Variants in ERBB4 observed in about 807,000 individuals in gnomAD.
The protein encoded by ERBB4 is receptor tyrosine-protein kinase erbB-4.
A neutral mutation model predicts 158.0 loss-of-function variants in ERBB4; 42 were observed. The ratio of observed to expected loss-of-function variants is 0.27; its 90% CI spans 0.21 to 0.34. The LOEUF (loss-of-function observed/expected upper bound fraction) is 0.34. ERBB4 is among the 10% of genes least tolerant of loss of function. The pLI is 1.00. For synonymous variants in ERBB4, 583 were observed against 558.7 expected (o/e 1.04, Z -0.61); for missense variants, 1,333 against 1,624.1 (o/e 0.82, Z 3.08).
intron 1 of ERBB4, among the ~76,000 whole-genome samples, chr2:212,258,924 C>T (rs997549982): frequency 6.6e-6 from 1 of 151,956 alleles, no homozygotes; most frequent in Non-Finnish European, 1.5e-5. Flanking sequence ...TAAGGAAAGT[C>T]ATCAAGAAAA....
chr2:212,269,530 C>A (rs2085269201), intron 1 of ERBB4, among the ~76,000 whole-genome samples: 1 of 151,564 alleles, frequency 6.6e-6, no homozygotes, highest in African/African-American at 2.4e-5. Flanking sequence ...AGACTTTTGC[C>A]CTTAGATATT....
intron 1 of ERBB4, among the ~76,000 whole-genome samples, chr2:212,224,169 A>G (rs1475227157): frequency 1.3e-5 from 2 of 151,908 alleles, no homozygotes; most frequent in African/African-American, 2.4e-5. Flanking sequence ...GTAAATTTAC[A>G]CCAAATAAAA....
intron 25 of ERBB4, among the ~76,000 whole-genome samples, chr2:211,417,746 G>A: frequency 6.6e-6 from 1 of 152,116 alleles, no homozygotes; most frequent in East Asian, 1.9e-4. Context: ...TGCTGGCCAA[G>A]CAGTAATTGC....
intron 1 of ERBB4, among the ~76,000 whole-genome samples, chr2:212,314,300 T>C (rs539186431): frequency 6.6e-6 from 1 of 151,150 alleles, no homozygotes; most frequent in Non-Finnish European, 1.5e-5. Flanking sequence ...ATTTTTACGT[T>C]AATTTTTTTC....
intron 13 of ERBB4, among the ~76,000 whole-genome samples, chr2:211,678,606 C>A (rs1318622598): frequency 6.6e-6 from 1 of 152,202 alleles, no homozygotes; most frequent in South Asian, 2.1e-4. Context: ...TGTGTTGTCT[C>A]CTTTATGCAA....
chr2:212,362,977 T>A (rs905385250), intron 1 of ERBB4, among the ~76,000 whole-genome samples: 1 of 151,224 alleles, frequency 6.6e-6, no homozygotes, highest in Non-Finnish European at 1.5e-5. Flanking sequence ...AAAACATAAA[T>A]TTGAAACACG....
intron 3 of ERBB4, among the ~76,000 whole-genome samples, chr2:211,937,213 A>G (rs2080349445): frequency 2.0e-5 from 3 of 151,838 alleles, no homozygotes; most frequent in Admixed American, 2.0e-4. Flanking sequence ...TTTGTTTCCT[A>G]CAATTGATGA....
intron 3 of ERBB4, among the ~76,000 whole-genome samples, chr2:211,931,845 T>C (rs1030640237): frequency 2.0e-5 from 3 of 152,016 alleles, no homozygotes; most frequent in Non-Finnish European, 4.4e-5. Context: ...TTCTTAAATA[T>C]TGTTACTCTA....
At chr2:211,572,679 T>C (rs1330965914) in intron 19 of ERBB4, among the ~76,000 whole-genome samples, 7 of 152,234 alleles carry the variant, frequency 4.6e-5, no homozygotes, top group Admixed American at 6.5e-5. Flanking sequence ...CATCTTGAAG[T>C]ACTTCAACAA....
intron 2 of ERBB4, among the ~76,000 whole-genome samples, chr2:212,020,383 T>C (rs2125326475): frequency 6.6e-6 from 1 of 152,254 alleles, no homozygotes; most frequent in East Asian, 1.9e-4. Context: ...CCTTCTCACT[T>C]GTTCTACTGG....
chr2:212,200,297 C>T (rs2082553676), intron 1 of ERBB4, among the ~76,000 whole-genome samples: 2 of 152,054 alleles, frequency 1.3e-5, no homozygotes, highest in African/African-American at 4.8e-5. Context: ...GGAAAAGTTA[C>T]ATATGTAAAC....
At chr2:212,004,289 G>T (rs1179772566) in intron 2 of ERBB4, among the ~76,000 whole-genome samples, 1 of 152,062 alleles carries the variant, frequency 6.6e-6, no homozygotes, top group Non-Finnish European at 1.5e-5. Flanking sequence ...CCCTCATCCT[G>T]CAAACTTGGA....
At chr2:211,896,052 C>T (rs983539483) in intron 3 of ERBB4, among the ~76,000 whole-genome samples, 8 of 152,212 alleles carry the variant, frequency 5.3e-5, no homozygotes, top group South Asian at 2.1e-4. Flanking sequence ...TCACTGGATC[C>T]TTCGTCTTCT....
intron 20 of ERBB4, among the ~76,000 whole-genome samples, chr2:211,432,171 ACT>A (rs1473517812): frequency 6.6e-6 from 1 of 152,210 alleles, no homozygotes; most frequent in African/African-American, 2.4e-5. Context: ...GTTGAAGCAT[ACT>A]CTCATGCCAA....
intron 2 of ERBB4, among the ~76,000 whole-genome samples, chr2:211,973,738 C>A (rs1196031682): frequency 6.6e-6 from 1 of 152,096 alleles, no homozygotes; most frequent in African/African-American, 2.4e-5. Flanking sequence ...TGGGTATATA[C>A]CCAAAGGAAT....
intron 2 of ERBB4, among the ~76,000 whole-genome samples, chr2:212,090,964 T>A (rs936483197): frequency 6.6e-6 from 1 of 152,194 alleles, no homozygotes; most frequent in Non-Finnish European, 1.5e-5. Flanking sequence ...TCTTTATCTA[T>A]CTTACGTTGT....
At chr2:212,526,477 T>C (rs1692453385) in intron 1 of ERBB4, among the ~76,000 whole-genome samples, 1 of 152,100 alleles carries the variant, frequency 6.6e-6, no homozygotes, top group Non-Finnish European at 1.5e-5. Context: ...TGAATACCAA[T>C]CACTTCAATT....
intron 20 of ERBB4, among the ~76,000 whole-genome samples, chr2:211,512,027 T>G (rs894608693): frequency 6.6e-6 from 1 of 152,128 alleles, no homozygotes; most frequent in African/African-American, 2.4e-5. Flanking sequence ...CACACAGCAT[T>G]GGTTTAATTT....
chr2:212,315,614 T>C (rs923417852), intron 1 of ERBB4, among the ~76,000 whole-genome samples: 3 of 151,480 alleles, frequency 2.0e-5, no homozygotes, highest in African/African-American at 7.3e-5. Flanking sequence ...GTTTGCAACT[T>C]TTCCGGAGCT....
Sources: allele counts gnomAD v4.1 joint callset (sites outside exome capture counted in the v4.1 genomes callset), GRCh38; gene constraint gnomAD v4.1.1; transcripts MANE v1.5; gene names NCBI Gene and HGNC (gene_info 2026-07-23, HGNC 2026-07-21).